TAF3: variants seen among roughly 807,000 people sequenced by gnomAD.
TAF3 encodes transcription initiation factor TFIID subunit 3.
Under a neutral mutation model 80.6 loss-of-function variants are expected in TAF3, and 7 were observed. The observed-to-expected ratio is 0.09, with a 90% CI of 0.05 to 0.16. The LOEUF is 0.16. Among genes scored for constraint, TAF3 ranks in the 10% least tolerant of loss-of-function variants. The pLI is 1.00. For missense variants in TAF3, 921 were observed against 1,140.2 expected (o/e 0.81, Z 2.77); for synonymous variants, 444 against 446.1 (o/e 1.00, Z 0.06).
At chr10:7,925,360 G>A (rs1018454747) in intron 2 of TAF3, among the ~76,000 whole-genome samples, 1 of 152,196 alleles carries the variant, frequency 6.6e-6, no homozygotes, top group African/African-American at 2.4e-5. Flanking sequence ...ACTCACCTTG[G>A]CTTAGTTGTA....
chr10:7,834,648 A>C (rs1353395692), intron 2 of TAF3, among the ~76,000 whole-genome samples: 1 of 152,170 alleles, frequency 6.6e-6, no homozygotes, highest in Non-Finnish European at 1.5e-5. Context: ...TTTATTTTTT[A>C]TGTTACATCC....
At chr10:7,942,815 G>A (rs1045410631) in intron 2 of TAF3, among the ~76,000 whole-genome samples, 2 of 152,132 alleles carry the variant, frequency 1.3e-5, no homozygotes, top group African/African-American at 2.4e-5. Context: ...TTTTTTTGTC[G>A]TTTTTGGGCT....
At chr10:7,857,276 C>T (rs1837090598) in intron 2 of TAF3, among the ~76,000 whole-genome samples, 1 of 152,232 alleles carries the variant, frequency 6.6e-6, no homozygotes, top group Admixed American at 6.5e-5. Context: ...AGCCACAGCT[C>T]ACTTATAAAT....
intron 2 of TAF3, among the ~76,000 whole-genome samples, chr10:7,914,422 C>G (rs1474173096): frequency 6.6e-6 from 1 of 152,204 alleles, no homozygotes; most frequent in Non-Finnish European, 1.5e-5. Flanking sequence ...CACTTATAAT[C>G]TGTCGGTAAG....
At chr10:7,981,685 G>A (rs1831727262) in intron 4 of TAF3, among the ~76,000 whole-genome samples, 2 of 152,146 alleles carry the variant, frequency 1.3e-5, no homozygotes, top group South Asian at 4.1e-4. Flanking sequence ...GGTGGCAAGT[G>A]GATTGATTTC....
intron 2 of TAF3, among the ~76,000 whole-genome samples, chr10:7,828,256 A>G (rs1211924792): frequency 6.6e-6 from 1 of 152,120 alleles, no homozygotes; most frequent in Non-Finnish European, 1.5e-5. Flanking sequence ...AAAAAAAGAG[A>G]CGAATCAATG....
intron 2 of TAF3, among the ~76,000 whole-genome samples, chr10:7,829,823 C>G (rs564735112): frequency 6.6e-6 from 1 of 152,142 alleles, no homozygotes; most frequent in Non-Finnish European, 1.5e-5. Flanking sequence ...GTTATGCGTC[C>G]CGCTTTGAAG....
intron 2 of TAF3, chr10:7,833,633 C>G (rs181239932): frequency 6.0e-6 from 1 of 167,898 alleles, no homozygotes; most frequent in African/African-American, 2.4e-5. Flanking sequence ...TTTCAACATC[C>G]TGTTCTGTAG....
intron 2 of TAF3, among the ~76,000 whole-genome samples, chr10:7,878,690 A>AATGTATGTATGT (rs58593612): frequency 6.7e-4 from 99 of 147,012 alleles, no homozygotes; most frequent in African/African-American, 1.7e-3. Flanking sequence ...TAATTCAACC[A>AATGTATGTATGT]ATGTATGTAT....
At chr10:7,885,740 A>G (rs997340353) in intron 2 of TAF3, among the ~76,000 whole-genome samples, 5 of 152,232 alleles carry the variant, frequency 3.3e-5, no homozygotes, top group African/African-American at 7.2e-5. Flanking sequence ...AGGGATAAAC[A>G]CACACATGTT....
chr10:7,991,071 T>C lies in TAF3; in HGVS notation c.2315+13748T>C, dbSNP rs138225770. Among the ~76,000 whole-genome samples, 45 of 152,322 alleles carry C rather than the reference T, an allele frequency of 3.0e-4. No homozygotes were observed. The East Asian group carries it at 6.9e-3, about 23-fold the overall frequency. ...CTTTTCTTTTTTTTCTCTTTTGTAA[T>C]GATCTTTCATGTGAATCTGAAGTCA... is the stretch of plus-strand genomic sequence containing the variant. On this transcript the variant is annotated intron_variant, in intron 4 of 6. Transcript: ENST00000344293.
At chr10:7,907,945 G>A (rs1327367404) in intron 2 of TAF3, among the ~76,000 whole-genome samples, 2 of 152,104 alleles carry the variant, frequency 1.3e-5, no homozygotes, top group East Asian at 1.9e-4. Context: ...AATCTGGAGC[G>A]GCAGCAGCAG....
Position 7,964,917 on chromosome 10 carries a change from C to T in TAF3, c.1407C>T (p.Ser469=), listed in dbSNP as rs370739825. ...ATAACTCATGGACAATGGATGCCTC[C>T]ATTGATGAGGTTGTACGTAAAGCAA... The part of the protein sequence containing the change: ...SSDNSWTMDA[S]IDEVVRKAKL... Residue 469 remains serine, a synonymous_variant, in exon 3 of 7, where the codon TCC becomes TCT. Coordinates refer to ENST00000344293, the MANE Select transcript of TAF3 (RefSeq NM_031923.4). The surrounding 1 kb of genome is among the most constrained non-coding windows in gnomAD (Gnocchi z 4.1). The T allele has an allele frequency of 1.2e-5, 20 of 1,614,010 alleles. 1 individual carries two copies. The highest frequency in any genetic ancestry group is 1.6e-4 in the Middle Eastern group (1 of 6,082).
At chr10:7,879,338 C>T (rs1345113161) in intron 2 of TAF3, among the ~76,000 whole-genome samples, 1 of 152,026 alleles carries the variant, frequency 6.6e-6, no homozygotes, top group Non-Finnish European at 1.5e-5. Context: ...ATTAATGAAA[C>T]GTAACTATGG....
chr10:7,874,769 C>T (rs889076312), intron 2 of TAF3, among the ~76,000 whole-genome samples: 1 of 151,332 alleles, frequency 6.6e-6, no homozygotes, highest in Non-Finnish European at 1.5e-5. Context: ...GATTGCATTT[C>T]TTTTCTTTTC....
intron 2 of TAF3, among the ~76,000 whole-genome samples, chr10:7,842,305 A>G (rs1321121630): frequency 3.3e-5 from 5 of 150,994 alleles, no homozygotes; most frequent in African/African-American, 1.2e-4. Flanking sequence ...GATCACAGAC[A>G]TGCACCACCA....
At chr10:7,885,068 A>G (rs2026396) in intron 2 of TAF3, among the ~76,000 whole-genome samples, 30,384 of 151,664 alleles carry the variant, frequency 0.2, 3,175 homozygotes, top group East Asian at 0.3. Context: ...GGAAGGGCTG[A>G]GGGTGGGGAA....
intron 2 of TAF3, among the ~76,000 whole-genome samples, chr10:7,876,607 T>C (rs1837314971): frequency 6.6e-6 from 1 of 152,172 alleles, no homozygotes; most frequent in African/African-American, 2.4e-5. Flanking sequence ...GTGAGCACCG[T>C]ATACAGAATC....
chr10:7,903,185 A>G (rs1382185002), intron 2 of TAF3, among the ~76,000 whole-genome samples: 2 of 152,264 alleles, frequency 1.3e-5, no homozygotes, highest in South Asian at 2.1e-4. Context: ...GTGCCACTGC[A>G]CTCTCAGCCT....
Sources: allele counts gnomAD v4.1 joint callset (sites outside exome capture counted in the v4.1 genomes callset), GRCh38; gene constraint gnomAD v4.1.1; non-coding constraint Gnocchi (gnomAD v3.1); transcripts MANE v1.5; gene names NCBI Gene and HGNC (gene_info 2026-07-23, HGNC 2026-07-21).